The following UFSP2 variants were observed in gnomAD, a reference collection of about 807,000 sequenced individuals.
UFSP2 encodes the protein ufm1-specific protease 2.
In UFSP2, 43 loss-of-function variants were observed where a neutral mutation model predicts 60.2. The ratio of observed to expected loss-of-function variants is 0.71; its 90% CI spans 0.56 to 0.92. The LOEUF is 0.92. Among genes scored for constraint, UFSP2 ranks in the 40% least tolerant of loss-of-function variants. The probability of loss-of-function intolerance (pLI) is 0.00; values close to 1 mark genes in which losing one functional copy is unlikely to be tolerated. For synonymous variants in UFSP2, 183 were observed against 195.1 expected (o/e 0.94, Z 0.52); for missense variants, 520 against 575.0 (o/e 0.90, Z 0.98).
chr4:185,407,768 GA>G (rs957940921), intron 9 of UFSP2, among the ~76,000 whole-genome samples, 167 bp downstream of exon 9: 2 of 150,454 alleles, frequency 1.3e-5, no homozygotes, highest in African/African-American at 2.4e-5. Flanking sequence ...AAAAAAAAAT[GA>G]AAAAAAATTA....
In UFSP2 at chr4:185,422,201, C is replaced by T. The variant is rs376004548; in HGVS notation, c.82+284G>A. On this transcript the variant is annotated intron_variant, in intron 2 of 11. Transcript: ENST00000264689. ...TACAATTCTCGACGCACATTTACAA[C>T]GTGCTCATTGTGGATATTTACATTT... Among the ~76,000 whole-genome samples the T allele has an allele frequency of 1.3e-4, 20 of 152,322 alleles. No individual in the cohort carries two copies. In the South Asian group the frequency reaches 3.7e-3, roughly 28 times the overall value.
In UFSP2 at chr4:185,410,202, C is replaced by G. The variant is rs995303991; in HGVS notation, c.832-1767G>C. On this transcript the variant is annotated intron_variant, in intron 7 of 11. Transcript: ENST00000264689. ...AAATTCTGACATATTTGGACATTAA[C>G]AAACACTTCTAAATAATACATGGAC... is the stretch of plus-strand genomic sequence containing the variant. Among the ~76,000 whole-genome samples the G allele has an allele frequency of 2.0e-5, 3 of 151,796 alleles. No homozygotes were observed. In the East Asian group the frequency reaches 5.8e-4, roughly 29 times the overall value.
Position 185,418,428 on chromosome 4 carries a change from A to G in UFSP2, c.333+13T>C. On this transcript the variant is annotated intron_variant, in intron 4 of 11. Transcript: ENST00000264689. ...ACATTTTTATCAGTACAGAAGACAGATAGTTTGCTTACCATGTCTGATAAC... is the reference window on the plus strand; with the variant it reads ...ACATTTTTATCAGTACAGAAGACAGGTAGTTTGCTTACCATGTCTGATAAC... 1 of 1,583,858 alleles carries G rather than the reference A, an allele frequency of 6.3e-7. No individual in the cohort carries two copies.
intron 4 of UFSP2, 157 bp from the exon 5 acceptor site, chr4:185,416,024 G>C: frequency 1.9e-6 from 1 of 533,282 alleles, no homozygotes; most frequent in South Asian, 3.5e-5. Flanking sequence ...AGAGAACAAG[G>C]AGTTCAATCT....
intron 10 of UFSP2, among the ~76,000 whole-genome samples, chr4:185,404,832 C>T (rs935351940): frequency 6.6e-5 from 10 of 151,914 alleles, no homozygotes; most frequent in Admixed American, 5.2e-4. Context: ...GTGATCCGCC[C>T]GCCTCAGCCT....
intron 6 of UFSP2, among the ~76,000 whole-genome samples, chr4:185,414,373 C>A (rs972926700): frequency 6.6e-6 from 1 of 152,122 alleles, no homozygotes; most frequent in Non-Finnish European, 1.5e-5. Context: ...AACAAATACA[C>A]ATATATGTTT....
chr4:185,420,671 A>G (rs138902927), intron 2 of UFSP2, among the ~76,000 whole-genome samples: 25 of 152,206 alleles, frequency 1.6e-4, no homozygotes, highest in Non-Finnish European at 5.9e-5. Flanking sequence ...TAATTCTTAA[A>G]TTAGCTTCTG....
intron 7 of UFSP2, among the ~76,000 whole-genome samples, chr4:185,410,400 A>G (rs1447940101): frequency 6.6e-6 from 1 of 152,220 alleles, no homozygotes; most frequent in Admixed American, 6.5e-5. Context: ...CTGTAATCCC[A>G]GCACTTTGGG....
intron 2 of UFSP2, among the ~76,000 whole-genome samples, chr4:185,419,538 C>G (rs2095545769): frequency 6.6e-6 from 1 of 152,202 alleles, no homozygotes; most frequent in Non-Finnish European, 1.5e-5. Context: ...ACTATATGAT[C>G]TCACAGTTTT....
intron 9 of UFSP2, 64 bp from the exon 10 acceptor site, chr4:185,405,920 G>C: frequency 6.2e-7 from 1 of 1,611,972 alleles, no homozygotes; most frequent in Non-Finnish European, 8.5e-7. Flanking sequence ...TAATGAGCTA[G>C]GAGACAATGT....
intron 1 of UFSP2, among the ~76,000 whole-genome samples, chr4:185,425,508 AAAT>A (rs1488516681): frequency 6.6e-6 from 1 of 152,146 alleles, no homozygotes; most frequent in African/African-American, 2.4e-5. Flanking sequence ...CAGGGGAGGG[AAAT>A]ACCACGGGAA....
intron 4 of UFSP2, among the ~76,000 whole-genome samples, chr4:185,417,635 T>C (rs567729381): frequency 5.3e-4 from 80 of 152,322 alleles, no homozygotes; most frequent in African/African-American, 1.8e-3. Context: ...GGAAACACTG[T>C]CGTCACATTA....
chr4:185,418,047 A>AACACACACACACACACACACACAC (rs56260529), intron 4 of UFSP2, among the ~76,000 whole-genome samples: 4,649 of 142,960 alleles, frequency 0.033, 111 homozygotes, highest in Middle Eastern at 0.05. Flanking sequence ...TCCATCTCAA[A>AACACACACACACACACACACACAC]ACACACACAC....
At chr4:185,401,860 CCCT>C (rs2095513621) in intron 11 of UFSP2, among the ~76,000 whole-genome samples, 1 of 152,110 alleles carries the variant, frequency 6.6e-6, no homozygotes, top group Non-Finnish European at 1.5e-5. Flanking sequence ...AGTGCAGAGC[CCCT>C]TGAGTCAACC....
Position 185,399,889 on chromosome 4 carries a change from A to G in UFSP2, c.*503T>C. On this transcript the variant is annotated 3_prime_UTR_variant, in exon 12 of 12. Coordinates refer to ENST00000264689, the MANE Select transcript of UFSP2 (RefSeq NM_018359.5). Reference sequence around the variant, plus strand: ...TTTCTAGTAGTATTGTTTCATTCTCATTAACATTTTAGTACTGGTTATACT... The same window carrying G: ...TTTCTAGTAGTATTGTTTCATTCTCGTTAACATTTTAGTACTGGTTATACT... The G allele has an allele frequency of 2.6e-6, 4 of 1,542,126 alleles. No homozygotes were observed. The highest frequency in any genetic ancestry group is 2.6e-6 in the Non-Finnish European group (3 of 1,144,794).
rs973544941 is a variant in UFSP2 at position 185,418,429 on chromosome 4, T to C, written c.333+12A>G. 4.9e-5 allele frequency: 78 copies of C among 1,584,656 alleles called. No homozygotes were observed. The highest frequency in any genetic ancestry group is 5.7e-5 in the Non-Finnish European group (66 of 1,155,360). On this transcript the variant is annotated intron_variant, in intron 4 of 11. Coordinates refer to ENST00000264689, the MANE Select transcript of UFSP2 (RefSeq NM_018359.5). ...CATTTTTATCAGTACAGAAGACAGA[T>C]AGTTTGCTTACCATGTCTGATAACT...
chr4:185,408,549 C>G, intron 7 of UFSP2, 114 bp from the exon 8 acceptor site: 1 of 1,127,862 alleles, frequency 8.9e-7, no homozygotes, highest in Non-Finnish European at 1.2e-6. Context: ...ACTTTAGTTC[C>G]TTATAAAAAT....
Position 185,414,308 on chromosome 4 carries a change from T to C in UFSP2, c.685-436A>G, listed in dbSNP as rs557099009. ...AAATATTTTATATTGTAAGTGGTAG[T>C]GATTAAACTACAGAGTAGAAGTTAG... On this transcript the variant is annotated intron_variant, in intron 6 of 11. Transcript: ENST00000264689. Among the ~76,000 whole-genome samples, 3 of 152,312 alleles carry C rather than the reference T, an allele frequency of 2.0e-5. No homozygotes were observed. In the East Asian group the frequency reaches 5.8e-4, roughly 29 times the overall value.
intron 1 of UFSP2, among the ~76,000 whole-genome samples, chr4:185,424,600 T>C (rs1423077645): frequency 4.6e-5 from 7 of 152,210 alleles, no homozygotes; most frequent in Admixed American, 4.6e-4. Flanking sequence ...TCTACCGTTG[T>C]TCATCACAGA....
Sources: gnomAD v4.1 joint callset for allele counts (sites outside exome capture counted in the v4.1 genomes callset) on GRCh38, gnomAD v4.1.1 for gene constraint, MANE v1.5 for transcripts, NCBI Gene and HGNC (gene_info 2026-07-23, HGNC 2026-07-21) for gene names.